Variants in MTX2 observed in about 807,000 individuals in gnomAD.
MTX2 encodes the protein metaxin-2.
A neutral mutation model predicts 42.3 loss-of-function variants in MTX2; 35 were observed. The ratio of observed to expected loss-of-function variants is 0.83; its 90% confidence interval spans 0.63 to 1.10. MTX2 has a LOEUF of 1.10. MTX2 is among the 50% of genes least tolerant of loss of function. MTX2 has a pLI of 0.00. For missense variants in MTX2, 307 were observed against 304.1 expected, an observed-to-expected ratio of 1.01 and a Z score of -0.07; for synonymous variants, 119 against 100.9, an observed-to-expected ratio of 1.18 and a Z score of -1.08.
chr2:176,323,029 A>G (rs2105439538), intron 3 of MTX2, among the ~76,000 whole-genome samples: 2 of 152,038 alleles, frequency 1.3e-5, no homozygotes, highest in South Asian at 4.1e-4. Context: ...GAAGCAATTA[A>G]TAGCTTATAA....
rs751315900 is a variant in MTX2, at chr2:176,337,535, C to G, written c.663C>G (p.Thr221=). ...LDALVFGHLY[T]ILTTQLTNDE... ...CACTGGTATTTGGCCATCTATACACCATTCTTACCACACAATTGACAAATG... is the reference window on the plus strand; with the variant it reads ...CACTGGTATTTGGCCATCTATACACGATTCTTACCACACAATTGACAAATG... Residue 221 remains threonine, a synonymous_variant, in exon 10 of 10, where the codon ACC becomes ACG. Coordinates refer to ENST00000249442, the MANE Select transcript of MTX2 (RefSeq NM_006554.5). The G allele has an allele frequency of 3.7e-6, 6 of 1,612,460 alleles. No homozygotes were observed. Among genetic ancestry groups the G allele is most frequent in the Non-Finnish European group, 4.2e-6 (5 of 1,179,116 alleles).
chr2:176,321,145 G>A (rs548889766), intron 3 of MTX2, among the ~76,000 whole-genome samples: 1 of 151,934 alleles, frequency 6.6e-6, no homozygotes, highest in African/African-American at 2.4e-5. Context: ...CTTCTTCCTT[G>A]TTTTCAGATC....
At chr2:176,300,957 G>T (rs913566192) in intron 3 of MTX2, among the ~76,000 whole-genome samples, 1 of 152,072 alleles carries the variant, frequency 6.6e-6, no homozygotes, top group Admixed American at 6.6e-5. Context: ...TTCAATGTTA[G>T]TAAGAGGAAT....
intron 1 of MTX2, among the ~76,000 whole-genome samples, chr2:176,279,428 C>T (rs1177560552): frequency 1.3e-5 from 2 of 152,048 alleles, no homozygotes; most frequent in African/African-American, 2.4e-5. Context: ...AACTAGCCTT[C>T]TTTTGACCTC....
intron 1 of MTX2, among the ~76,000 whole-genome samples, chr2:176,273,264 A>G (rs183399812): frequency 8.5e-5 from 13 of 152,328 alleles, no homozygotes; most frequent in African/African-American, 2.6e-4. Context: ...TGAGTTGTGA[A>G]GGGGATATTC....
chr2:176,304,547 T>C (rs1329021446), intron 3 of MTX2, among the ~76,000 whole-genome samples: 1 of 152,002 alleles, frequency 6.6e-6, no homozygotes, highest in Non-Finnish European at 1.5e-5. Context: ...TTACAGGGTC[T>C]GCAGCTGTTT....
At chr2:176,289,187 ATACT>A (rs1288656002) in intron 1 of MTX2, among the ~76,000 whole-genome samples, 1 of 152,044 alleles carries the variant, frequency 6.6e-6, no homozygotes, top group African/African-American at 2.4e-5. Context: ...TGAGAAGCAA[ATACT>A]TATTTTTTTG....
At chr2:176,329,887 GTCTGTCTATCTATCTGTCTA>G (rs1264570976) in intron 8 of MTX2, among the ~76,000 whole-genome samples, 2 of 149,588 alleles carry the variant, frequency 1.3e-5, no homozygotes, top group African/African-American at 4.9e-5. Flanking sequence ...TTGTCCGTCT[GTCTGTCTATCTATCTGTCTA>G]TCTGTCTATC....
At chr2:176,287,553 G>C (rs375677910) in intron 1 of MTX2, among the ~76,000 whole-genome samples, 1 of 152,076 alleles carries the variant, frequency 6.6e-6, no homozygotes, top group Non-Finnish European at 1.5e-5. Flanking sequence ...AACACTTCTC[G>C]TGTCAGGAAT....
At position 176,277,957 on chromosome 2, in the gene MTX2, T is replaced by G. The variant is rs1575031223; in HGVS notation, c.40+8288T>G. 1.3e-5 allele frequency among the ~76,000 whole-genome samples: 2 copies of G among 151,846 alleles called. 1 individual carries two copies. The highest frequency in any genetic ancestry group is 3.9e-4 in the East Asian group (2 of 5,180). On this transcript the variant is annotated intron_variant, in intron 1 of 9. Transcript: ENST00000249442. Reference sequence around the variant, plus strand: ...AAAATAGTGACAAAATAGGTTATACTTCAGACTAGAGGCAAGATATAGTTT... The same window carrying G: ...AAAATAGTGACAAAATAGGTTATACGTCAGACTAGAGGCAAGATATAGTTT...
chr2:176,301,022 G>A (rs1479737291), intron 3 of MTX2, among the ~76,000 whole-genome samples: 1 of 152,086 alleles, frequency 6.6e-6, no homozygotes, highest in East Asian at 1.9e-4. Context: ...GAAAACAAAT[G>A]TTATGTGTAA....
intron 3 of MTX2, among the ~76,000 whole-genome samples, chr2:176,319,259 G>A (rs557218075): frequency 6.6e-6 from 1 of 152,228 alleles, no homozygotes; most frequent in South Asian, 2.1e-4. Flanking sequence ...TGCCATGCCA[G>A]TTATTTGGAG....
chr2:176,300,807 T>C (rs1684006947), intron 3 of MTX2, among the ~76,000 whole-genome samples: 1 of 152,172 alleles, frequency 6.6e-6, no homozygotes, highest in Non-Finnish European at 1.5e-5. Context: ...TAGGATTGAA[T>C]ATGTTAACAT....
At chr2:176,309,156 A>C (rs762251126) in intron 3 of MTX2, among the ~76,000 whole-genome samples, 3 of 152,218 alleles carry the variant, frequency 2.0e-5, no homozygotes, top group Non-Finnish European at 1.5e-5. Context: ...TTTACCCAGT[A>C]GTCATTCAGA....
intron 1 of MTX2, among the ~76,000 whole-genome samples, chr2:176,277,761 A>G (rs1297211190): frequency 6.6e-6 from 1 of 152,062 alleles, no homozygotes; most frequent in African/African-American, 2.4e-5. Flanking sequence ...TATTCTGAGG[A>G]TTTTCCAGTA....
At chr2:176,300,770 T>C (rs1684006335) in intron 3 of MTX2, among the ~76,000 whole-genome samples, 1 of 152,110 alleles carries the variant, frequency 6.6e-6, no homozygotes. Context: ...AATAGAAATA[T>C]AATAGAAGCT....
intron 1 of MTX2, among the ~76,000 whole-genome samples, chr2:176,294,604 A>G (rs1309379855): frequency 5.3e-5 from 8 of 152,314 alleles, no homozygotes; most frequent in Admixed American, 6.5e-5. Context: ...GAAATTACTG[A>G]CCACATAAAT....
chr2:176,306,235 A>T (rs1684141294), intron 3 of MTX2, among the ~76,000 whole-genome samples: 1 of 152,224 alleles, frequency 6.6e-6, no homozygotes, highest in South Asian at 2.1e-4. Context: ...TACAAAGGAC[A>T]TGAATTCATC....
At chr2:176,330,681 A>T (rs1468822608) in intron 9 of MTX2, 21 bp downstream of exon 9, 1 of 1,563,004 alleles carries the variant, frequency 6.4e-7, no homozygotes. Flanking sequence ...TTACTTTTTT[A>T]AAGTTAATTT....
Sources: gnomAD v4.1 joint callset for allele counts (sites outside exome capture counted in the v4.1 genomes callset) on GRCh38, gnomAD v4.1.1 for gene constraint, MANE v1.5 for transcripts, NCBI Gene and HGNC (gene_info 2026-07-23, HGNC 2026-07-21) for gene names.